The following EYA4 variants were observed in gnomAD, a reference collection of about 807,000 sequenced individuals.
EYA4 encodes EYA transcriptional coactivator and phosphatase 4.
In EYA4, 31 loss-of-function variants were observed where a neutral mutation model predicts 87.9. The observed-to-expected ratio is 0.35, with a 90% CI of 0.27 to 0.48. The LOEUF (loss-of-function observed/expected upper bound fraction) is 0.48, where lower values mean the gene tolerates loss of function less well. EYA4 is among the 20% of genes least tolerant of loss of function. The pLI, the probability that EYA4 is intolerant of heterozygous loss-of-function variation, is 0.99. For missense variants in EYA4, 678 were observed against 761.4 expected (o/e 0.89, Z 1.29); for synonymous variants, 263 against 270.6 (o/e 0.97, Z 0.28).
chr6:133,491,971 AGAG>A (rs1797210092), intron 13 of EYA4, among the ~76,000 whole-genome samples: 1 of 149,322 alleles, frequency 6.7e-6, no homozygotes, highest in Non-Finnish European at 1.5e-5. Context: ...AAAAAAAAAA[AGAG>A]GAAGAAGAAA....
chr6:133,292,867 A>C (rs1169855344), intron 2 of EYA4, among the ~76,000 whole-genome samples: 2 of 152,224 alleles, frequency 1.3e-5, no homozygotes, highest in African/African-American at 4.8e-5. Context: ...GAGCAAGTAG[A>C]GATCACACAG....
At chr6:133,425,236 T>C (rs772154956) in intron 3 of EYA4, among the ~76,000 whole-genome samples, 5 of 150,808 alleles carry the variant, frequency 3.3e-5, no homozygotes, top group African/African-American at 5.0e-5. Context: ...CCTGTTAGTA[T>C]TGTAATCAGT....
At chr6:133,448,543 T>C (rs2128627112) in intron 5 of EYA4, among the ~76,000 whole-genome samples, 1 of 152,310 alleles carries the variant, frequency 6.6e-6, no homozygotes, top group South Asian at 2.1e-4. Context: ...GCAAACTTAA[T>C]CACCTTCATA....
intron 13 of EYA4, among the ~76,000 whole-genome samples, chr6:133,504,772 G>T (rs1289031360): frequency 6.6e-6 from 1 of 152,194 alleles, no homozygotes; most frequent in Non-Finnish European, 1.5e-5. Context: ...TCAGTTCAGG[G>T]TGTAGATGAA....
At chr6:133,249,227 A>G (rs1156969787) in intron 1 of EYA4, among the ~76,000 whole-genome samples, 2 of 152,166 alleles carry the variant, frequency 1.3e-5, no homozygotes, top group African/African-American at 2.4e-5. Flanking sequence ...AATCATTGTA[A>G]CCAAGGTCAC....
chr6:133,299,890 C>T (rs1428825300), intron 2 of EYA4, among the ~76,000 whole-genome samples: 1 of 150,158 alleles, frequency 6.7e-6, no homozygotes, highest in Non-Finnish European at 1.5e-5. Context: ...TATACACACA[C>T]ACTTATATAC....
intron 2 of EYA4, among the ~76,000 whole-genome samples, chr6:133,324,969 G>A (rs1781386709): frequency 1.4e-5 from 2 of 138,344 alleles, no homozygotes; most frequent in Admixed American, 1.5e-4. Flanking sequence ...GGAGTGCAGT[G>A]GCACAATCTC....
chr6:133,387,335 T>G (rs1165308482), intron 3 of EYA4, among the ~76,000 whole-genome samples: 1 of 152,214 alleles, frequency 6.6e-6, no homozygotes, highest in Non-Finnish European at 1.5e-5. Context: ...CAGGGAAAGC[T>G]GAGGGCTCCT....
At chr6:133,402,127 C>CA (rs932105095) in intron 3 of EYA4, among the ~76,000 whole-genome samples, 9 of 151,546 alleles carry the variant, frequency 5.9e-5, no homozygotes, top group Non-Finnish European at 7.4e-5. Context: ...ATTTTTAAAT[C>CA]AAAAAAAAGA....
chr6:133,474,680 G>A (rs1403376932), intron 11 of EYA4, among the ~76,000 whole-genome samples: 2 of 152,110 alleles, frequency 1.3e-5, no homozygotes, highest in African/African-American at 2.4e-5. Flanking sequence ...AGTCAATGCA[G>A]TTTTAGGTTT....
intron 3 of EYA4, among the ~76,000 whole-genome samples, chr6:133,441,565 G>A (rs536345133): frequency 3.0e-4 from 46 of 152,310 alleles, no homozygotes; most frequent in African/African-American, 7.5e-4. Context: ...CCCTGCTGCC[G>A]TGTCTTTCCC....
intron 14 of EYA4, among the ~76,000 whole-genome samples, chr6:133,510,056 A>G (rs370792446): frequency 4.6e-5 from 7 of 152,340 alleles, no homozygotes; most frequent in Admixed American, 1.3e-4. Context: ...CCTCAAATAT[A>G]ACCTCAATTA....
At chr6:133,247,477 T>C (rs1291687748) in intron 1 of EYA4, 1 of 152,160 alleles carries the variant, frequency 6.6e-6, no homozygotes, top group Non-Finnish European at 1.5e-5. Flanking sequence ...GCTTGAAGAG[T>C]TAAAGAGTGC....
chr6:133,444,170 C>T (rs922984313), intron 3 of EYA4, among the ~76,000 whole-genome samples: 2 of 152,150 alleles, frequency 1.3e-5, no homozygotes, highest in African/African-American at 4.8e-5. Flanking sequence ...TTATCTGTTT[C>T]TTCCTTTAAT....
intron 2 of EYA4, among the ~76,000 whole-genome samples, chr6:133,315,830 A>G (rs1439715096): frequency 6.6e-6 from 1 of 152,234 alleles, no homozygotes; most frequent in African/African-American, 2.4e-5. Flanking sequence ...ATTATTGGAA[A>G]GATGTTTTGC....
At chr6:133,495,449 TATATTC>T (rs1424823144) in intron 13 of EYA4, among the ~76,000 whole-genome samples, 1 of 148,432 alleles carries the variant, frequency 6.7e-6, no homozygotes, top group Non-Finnish European at 1.5e-5. Flanking sequence ...TATAAAGAAA[TATATTC>T]ATTTATTTAT....
chr6:133,346,571 C>T (rs9493602), intron 2 of EYA4, among the ~76,000 whole-genome samples: 4,027 of 152,200 alleles, frequency 0.026, 156 homozygotes, highest in African/African-American at 0.089. Context: ...TGTGCAGTTC[C>T]TTAATTACTA....
intron 3 of EYA4, among the ~76,000 whole-genome samples, chr6:133,415,427 C>T (rs211592): frequency 0.38 from 57,211 of 151,990 alleles, 14,004 homozygotes; most frequent in Non-Finnish European, 0.54. Context: ...TCTCACTGCT[C>T]GGTCTTTTCT....
At chr6:133,497,321 G>A (rs925885943) in intron 13 of EYA4, among the ~76,000 whole-genome samples, 3 of 152,064 alleles carry the variant, frequency 2.0e-5, no homozygotes, top group East Asian at 3.8e-4. Flanking sequence ...ACTAACTTTT[G>A]TGTTTTAATT....
Sources: gnomAD v4.1 joint callset for allele counts (sites outside exome capture counted in the v4.1 genomes callset) on GRCh38, gnomAD v4.1.1 for gene constraint, MANE v1.5 for transcripts, NCBI Gene and HGNC (gene_info 2026-07-23, HGNC 2026-07-21) for gene names.